The following NME7 variants were observed in gnomAD, a reference collection of about 807,000 sequenced individuals.
The protein encoded by NME7 is NME/NM23 family member 7.
A neutral mutation model predicts 49.1 loss-of-function variants in NME7; 41 were observed. The observed-to-expected ratio is 0.83, with a 90% confidence interval of 0.65 to 1.08. NME7 has a LOEUF of 1.08. NME7 is among the 50% of genes least tolerant of loss of function. The pLI is 0.00. For missense variants in NME7, 423 were observed against 463.4 expected (o/e 0.91, Z 0.80); for synonymous variants, 139 against 150.6 (o/e 0.92, Z 0.56).
intron 3 of NME7, among the ~76,000 whole-genome samples, chr1:169,315,697 C>T (rs781380881): frequency 6.6e-6 from 1 of 151,954 alleles, no homozygotes; most frequent in Non-Finnish European, 1.5e-5. Context: ...CAGCTAGATT[C>T]CAATACAAAA....
At chr1:169,212,491 G>C (rs1214594790) in intron 10 of NME7, among the ~76,000 whole-genome samples, 1 of 138,890 alleles carries the variant, frequency 7.2e-6, no homozygotes, top group Non-Finnish European at 1.7e-5. Flanking sequence ...GCAAAAATTT[G>C]AGTCACTCAA....
At chr1:169,357,020 T>C (rs57898951) in intron 1 of NME7, among the ~76,000 whole-genome samples, 2,333 of 152,234 alleles carry the variant, frequency 0.015, 65 homozygotes, top group African/African-American at 0.053. Flanking sequence ...CACTTGGAAA[T>C]AACAACAGCA....
At chr1:169,258,442 C>CAT (rs1558011671) in intron 7 of NME7, among the ~76,000 whole-genome samples, 3 of 104,806 alleles carry the variant, frequency 2.9e-5, no homozygotes, top group African/African-American at 1.1e-4. Context: ...ACACATATAT[C>CAT]TTCTCATTCT....
chr1:169,348,555 A>T (rs1459974006), intron 1 of NME7, among the ~76,000 whole-genome samples: 2 of 152,156 alleles, frequency 1.3e-5, no homozygotes, highest in African/African-American at 2.4e-5. Flanking sequence ...CAATATGATT[A>T]AAATTAATAA....
intron 1 of NME7, among the ~76,000 whole-genome samples, chr1:169,349,617 A>G (rs1653078717): frequency 6.6e-6 from 1 of 152,194 alleles, no homozygotes. Flanking sequence ...TGACATTTTT[A>G]AAAAAGGTTT....
intron 10 of NME7, among the ~76,000 whole-genome samples, chr1:169,198,463 C>T (rs1422188474): frequency 6.6e-6 from 1 of 152,068 alleles, no homozygotes; most frequent in Non-Finnish European, 1.5e-5. Context: ...ACCCAAACGT[C>T]TATCATTTGA....
chr1:169,310,772 G>A (rs1651351743), intron 3 of NME7: 1 of 152,078 alleles, frequency 6.6e-6, no homozygotes, highest in Non-Finnish European at 1.5e-5. Flanking sequence ...GCCTACCAAG[G>A]TAACATGACA....
intron 9 of NME7, among the ~76,000 whole-genome samples, chr1:169,234,373 T>C (rs754133327): frequency 3.3e-5 from 5 of 152,110 alleles, no homozygotes; most frequent in African/African-American, 7.2e-5. Flanking sequence ...GTGTGGATCA[T>C]AGTAACAGCA....
chr1:169,249,594 T>C (rs1405438445), intron 7 of NME7, among the ~76,000 whole-genome samples: 1 of 152,152 alleles, frequency 6.6e-6, no homozygotes, highest in Non-Finnish European at 1.5e-5. Flanking sequence ...TTTTCCCCAT[T>C]TATTATGATG....
chr1:169,176,354 G>C lies in NME7; in HGVS notation c.991-6800C>G, dbSNP rs539237159. On this transcript the variant is annotated intron_variant, in intron 10 of 11. Coordinates refer to ENST00000367811, the MANE Select transcript of NME7 (RefSeq NM_013330.5). The stretch of plus-strand genomic sequence containing the variant: ...ATATAATACTAATCTCATTGAGTGA[G>C]CCACCTGCAGGTTCACAGTAAATAC... 9.2e-5 allele frequency among the ~76,000 whole-genome samples: 14 copies of C among 152,166 alleles called. No homozygotes were observed. The East Asian group carries it at 2.5e-3, about 27-fold the overall frequency.
intron 7 of NME7, among the ~76,000 whole-genome samples, chr1:169,245,936 A>G (rs900794816): frequency 6.6e-6 from 1 of 152,230 alleles, no homozygotes; most frequent in African/African-American, 2.4e-5. Flanking sequence ...CTAGAGAGCA[A>G]TATGTTACTA....
At chr1:169,202,649 T>A (rs976098981) in intron 10 of NME7, among the ~76,000 whole-genome samples, 7 of 152,148 alleles carry the variant, frequency 4.6e-5, no homozygotes, top group African/African-American at 1.7e-4. Context: ...ACTGCTATAA[T>A]GTGTCCATTG....
At chr1:169,321,746 G>A (rs1304650821) in intron 3 of NME7, among the ~76,000 whole-genome samples, 1 of 152,126 alleles carries the variant, frequency 6.6e-6, no homozygotes, top group Non-Finnish European at 1.5e-5. Context: ...GTCACAGAAA[G>A]AGATATCATA....
chr1:169,305,483 T>C (rs750170983), intron 4 of NME7, among the ~76,000 whole-genome samples: 5 of 152,220 alleles, frequency 3.3e-5, no homozygotes, highest in African/African-American at 1.2e-4. Context: ...GATGCATACA[T>C]TGTGAGAAAT....
At chr1:169,201,296 C>A (rs1430923701) in intron 10 of NME7, among the ~76,000 whole-genome samples, 1 of 152,030 alleles carries the variant, frequency 6.6e-6, no homozygotes, top group African/African-American at 2.4e-5. Flanking sequence ...AGGGGCAAGA[C>A]CATGTAAAGT....
intron 10 of NME7, among the ~76,000 whole-genome samples, chr1:169,195,415 T>C (rs886815018): frequency 2.0e-5 from 3 of 152,072 alleles, no homozygotes; most frequent in African/African-American, 7.2e-5. Context: ...TTTATATTTA[T>C]TTTTCCCAGC....
chr1:169,232,566 G>A (rs1016656425), intron 9 of NME7, among the ~76,000 whole-genome samples: 1 of 148,000 alleles, frequency 6.8e-6, no homozygotes, highest in South Asian at 2.2e-4. Context: ...TGGGGGGGGG[G>A]CAGGGGAAAG....
Position 169,158,008 on chromosome 1 carries a change from GT to G in NME7, c.1098+11438del, listed in dbSNP as rs1266717343. On this transcript the variant is annotated intron_variant, in intron 11 of 11. Coordinates refer to ENST00000367811, the MANE Select transcript of NME7 (RefSeq NM_013330.5). ...TTTTCTCCCATTCGATAGGTTGTCT[GT>G]TTACTATGTTGATAGGTTCTTTTAC... 4.6e-5 allele frequency among the ~76,000 whole-genome samples: 7 copies of G among 152,264 alleles called. No individual in the cohort carries two copies. In the East Asian group the frequency reaches 1.3e-3, roughly 29 times the overall value.
At chr1:169,171,360 G>A (rs1197772896) in intron 10 of NME7, among the ~76,000 whole-genome samples, 2 of 151,156 alleles carry the variant, frequency 1.3e-5, no homozygotes, top group African/African-American at 2.4e-5. Context: ...AGACAGAGTA[G>A]GACCCTGTCT....
Sources: allele counts gnomAD v4.1 joint callset (sites outside exome capture counted in the v4.1 genomes callset), GRCh38; gene constraint gnomAD v4.1.1; transcripts MANE v1.5; gene names NCBI Gene and HGNC (gene_info 2026-07-23, HGNC 2026-07-21).